Variants in AGTPBP1 observed in about 807,000 individuals in gnomAD.
AGTPBP1 encodes the protein cytosolic carboxypeptidase 1.
Under a neutral mutation model 143.9 loss-of-function variants are expected in AGTPBP1, and 70 were observed. The ratio of observed to expected loss-of-function variants is 0.49; its 90% confidence interval spans 0.40 to 0.59. AGTPBP1 has a LOEUF of 0.59. Among genes scored for constraint, AGTPBP1 ranks in the 20% least tolerant of loss-of-function variants. The pLI is 0.00. For synonymous variants in AGTPBP1, 463 were observed against 500.2 expected, an observed-to-expected ratio of 0.93 and a Z score of 0.99; for missense variants, 1,229 against 1,464.5, an observed-to-expected ratio of 0.84 and a Z score of 2.62.
chr9:85,715,375 T>G (rs1381435637), intron 1 of AGTPBP1, among the ~76,000 whole-genome samples: 2 of 152,092 alleles, frequency 1.3e-5, no homozygotes, highest in Non-Finnish European at 2.9e-5. Context: ...GGAACAGGTA[T>G]TATGCTAAGA....
intron 13 of AGTPBP1, among the ~76,000 whole-genome samples, chr9:85,642,576 C>T (rs1832552371): frequency 6.6e-6 from 1 of 151,838 alleles, no homozygotes; most frequent in Non-Finnish European, 1.5e-5. Context: ...TCGTGATCCA[C>T]ATACCTCGGC....
chr9:85,743,320 A>G (rs1824494229), upstream of AGTPBP1, among the ~76,000 whole-genome samples: 1 of 152,238 alleles, frequency 6.6e-6, no homozygotes, highest in Non-Finnish European at 1.5e-5. Flanking sequence ...CCACTTTCAC[A>G]AGCACTGTTA....
intron 11 of AGTPBP1, among the ~76,000 whole-genome samples, chr9:85,654,878 G>A (rs755339476): frequency 1.4e-4 from 21 of 151,862 alleles, no homozygotes; most frequent in Non-Finnish European, 2.9e-4. Flanking sequence ...AAGTACATAA[G>A]CTATCAAATA....
chr9:85,632,668 A>G lies in AGTPBP1; in HGVS notation c.2009T>C (p.Val670Ala), dbSNP rs1411528920. The change falls in exon 14 of 26, where the codon GTA becomes GCA. Residue 670 changes from valine (V) to alanine (A), a missense_variant. This residue lies in a region of AGTPBP1 where 743 missense variants were observed against 812.2 expected (regional missense o/e 0.91). Transcript: ENST00000357081. ...KEPILERPYG[V>A]QRTKIAQDIE... The stretch of plus-strand genomic sequence containing the variant: ...GAAGAAATATGCAACTCACCTTTGT[A>G]CACCATAAGGCCTTTCTAAAATAGG... The G allele has an allele frequency of 1.3e-5, 20 of 1,596,158 alleles. No individual in the cohort carries two copies. The highest frequency in any genetic ancestry group is 1.7e-5 in the Non-Finnish European group (20 of 1,171,230).
chr9:85,763,348 G>A, the AGTPBP1 span, among the ~76,000 whole-genome samples: 1 of 152,054 alleles, frequency 6.6e-6, no homozygotes, highest in Non-Finnish European at 1.5e-5. Flanking sequence ...AGGACAACTG[G>A]TCCAGTGTGG....
intron 1 of AGTPBP1, among the ~76,000 whole-genome samples, chr9:85,727,219 C>T (rs1284309037): frequency 2.0e-5 from 3 of 151,952 alleles, no homozygotes; most frequent in Non-Finnish European, 4.4e-5. Flanking sequence ...CCCAGCTACT[C>T]GGGAGGCTGA....
intron 18 of AGTPBP1, among the ~76,000 whole-genome samples, chr9:85,595,734 C>A (rs1411035885): frequency 6.6e-6 from 1 of 152,016 alleles, no homozygotes; most frequent in African/African-American, 2.4e-5. Flanking sequence ...ACCATGTTGG[C>A]CAGGCTGGTC....
chr9:85,745,930 CA>C (rs1165524687), upstream of AGTPBP1, among the ~76,000 whole-genome samples: 1 of 152,180 alleles, frequency 6.6e-6, no homozygotes, highest in African/African-American at 2.4e-5. Context: ...CATAGACAAG[CA>C]ATCTGGGAGC....
At chr9:85,771,510 G>A in the AGTPBP1 span, among the ~76,000 whole-genome samples, 1 of 152,224 alleles carries the variant, frequency 6.6e-6, no homozygotes, top group Non-Finnish European at 1.5e-5. Context: ...TGTGAAATAA[G>A]ATAAATGAAA....
At chr9:85,696,070 G>T (rs1172260181) in intron 2 of AGTPBP1, among the ~76,000 whole-genome samples, 7 of 152,102 alleles carry the variant, frequency 4.6e-5, no homozygotes, top group Admixed American at 3.9e-4. Flanking sequence ...TCGAACTTGT[G>T]ATCTCAAGTG....
chr9:85,619,088 G>T lies in AGTPBP1; in HGVS notation c.2230C>A (p.His744Asn), dbSNP rs1482973408. The T allele has an allele frequency of 6.2e-7, 1 of 1,613,622 alleles. No homozygotes were observed. The highest frequency in any genetic ancestry group is 8.5e-7 in the Non-Finnish European group (1 of 1,179,730). ...LILNSDINSN[H>N]YHQWFYFEVS... is the part of the protein sequence containing the mutation. ...TCAAAGTAAAACCACTGATGATAAT[G>T]ATTGCTGTTTATGTCTGAGTTCAGA... The change falls in exon 17 of 26, where the codon CAT (histidine) becomes AAT (asparagine). Residue 744 changes from histidine (H) to asparagine (N), a missense_variant. His to Asn is a moderately conservative substitution (Grantham distance 68). Around this residue, in one of 2 missense-constraint regions of AGTPBP1, gnomAD observed 486 missense variants for 652.3 expected, o/e 0.75. Transcript: ENST00000357081.
chr9:85,583,823 T>C (rs1828434917), intron 23 of AGTPBP1, among the ~76,000 whole-genome samples: 1 of 152,140 alleles, frequency 6.6e-6, no homozygotes, highest in Non-Finnish European at 1.5e-5. Flanking sequence ...TCAGACATCT[T>C]TGCTAGGCAT....
intron 22 of AGTPBP1, among the ~76,000 whole-genome samples, chr9:85,586,459 T>C (rs1828614632): frequency 6.6e-6 from 1 of 152,188 alleles, no homozygotes; most frequent in Admixed American, 6.5e-5. Flanking sequence ...AGCGTATGTA[T>C]ACAGTCCAGT....
chr9:85,678,479 T>C, intron 4 of AGTPBP1, 81 bp from the exon 5 acceptor site: 2 of 835,386 alleles, frequency 2.4e-6, no homozygotes, highest in Non-Finnish European at 3.7e-6. Flanking sequence ...ACTACCTATA[T>C]TTTACAAATG....
the AGTPBP1 span, among the ~76,000 whole-genome samples, chr9:85,787,674 A>G: frequency 6.6e-6 from 1 of 152,196 alleles, no homozygotes; most frequent in Non-Finnish European, 1.5e-5. Flanking sequence ...AGTTATAGGA[A>G]ACATCCATTG....
intron 17 of AGTPBP1, among the ~76,000 whole-genome samples, chr9:85,609,702 C>G (rs1412796631): frequency 2.0e-5 from 3 of 151,964 alleles, no homozygotes; most frequent in Non-Finnish European, 4.4e-5. Context: ...GCAAGGGCAC[C>G]CATAAGGAAT....
At chr9:85,590,211 GA>G (rs1014034137) in intron 19 of AGTPBP1, among the ~76,000 whole-genome samples, 3 of 151,870 alleles carry the variant, frequency 2.0e-5, no homozygotes, top group Non-Finnish European at 4.4e-5. Context: ...AAATTACAAA[GA>G]AAAAAATTTT....
the AGTPBP1 span, among the ~76,000 whole-genome samples, chr9:85,789,344 A>AAT: frequency 2.0e-5 from 3 of 152,196 alleles, no homozygotes; most frequent in African/African-American, 7.2e-5. Flanking sequence ...TACATATACT[A>AAT]AATGATTTTA....
chr9:85,572,026 T>G (rs1192954333), intron 25 of AGTPBP1, among the ~76,000 whole-genome samples: 2 of 81,386 alleles, frequency 2.5e-5, no homozygotes, highest in African/African-American at 1.5e-4. Flanking sequence ...TTTTTTTTTT[T>G]TTTTTTTTTT....
Sources: allele counts gnomAD v4.1 joint callset (sites outside exome capture counted in the v4.1 genomes callset), GRCh38; gene constraint gnomAD v4.1.1; regional missense constraint gnomAD v4.1.1; transcripts MANE v1.5; gene names NCBI Gene and HGNC (gene_info 2026-07-23, HGNC 2026-07-21).